Variants in ARHGAP45 observed in about 807,000 individuals in gnomAD.
The protein encoded by ARHGAP45 is rho GTPase-activating protein 45.
ARHGAP45 carries 56 observed loss-of-function variants against 116.1 expected under a neutral mutation model. The ratio of observed to expected loss-of-function variants is 0.48; its 90% confidence interval spans 0.39 to 0.60. The LOEUF is 0.60. Ranked by LOEUF, ARHGAP45 falls within the 20% of genes least tolerant of loss-of-function variation. The pLI is 0.00. For missense variants in ARHGAP45, 1,622 were observed against 1,601.0 expected, an observed-to-expected ratio of 1.01 and a Z score of -0.22; for synonymous variants, 866 against 701.7, an observed-to-expected ratio of 1.23 and a Z score of -3.70.
chr19:1,066,397 C>T, upstream of ARHGAP45: 1 of 560,472 alleles, frequency 1.8e-6, no homozygotes, highest in Non-Finnish European at 3.2e-6. Flanking sequence ...TGCTGCCCAG[C>T]ACGTCCGGTG....
At chr19:1,070,438 C>T (rs1440549322) in intron 2 of ARHGAP45, among the ~76,000 whole-genome samples, 1 of 143,926 alleles carries the variant, frequency 6.9e-6, no homozygotes, top group Non-Finnish European at 1.5e-5. Context: ...TCAAGTGGTT[C>T]TTCTGCCTCA....
chr19:1,071,484 G>C lies in ARHGAP45; in HGVS notation c.422-1665G>C, dbSNP rs1375929074. The C allele has an allele frequency of 1.4e-6, 1 of 718,984 alleles. No homozygotes were observed. Among genetic ancestry groups the C allele is most frequent in the African/African-American group, 1.9e-5 (1 of 51,690 alleles). The allele number at this position is 718,984 out of a possible 1,614,324, so 44.5% of individuals were successfully genotyped here. A position where few individuals can be genotyped will look rare whatever the true frequency, so the allele number is the denominator to read the frequency against. ...GCCTGGCCTGGCCGTGCGCACCTGG[G>C]CATCCCTGCGCTGCGCAGGGGTCGC... On this transcript the variant is annotated intron_variant, in intron 2 of 22. Coordinates refer to ENST00000313093, the MANE Select transcript of ARHGAP45 (RefSeq NM_012292.5). This position sits in a 1 kb window ranked among gnomAD's most constrained non-coding sequence, Gnocchi z 4.6.
intron 2 of ARHGAP45, among the ~76,000 whole-genome samples, chr19:1,072,187 G>A (rs2043153734): frequency 6.6e-6 from 1 of 151,636 alleles, no homozygotes; most frequent in South Asian, 2.1e-4. Flanking sequence ...TCAGCCTCCC[G>A]AGTAGCCGGC....
chr19:1,082,755 G>A (rs1366052683), intron 19 of ARHGAP45, 85 bp from the exon 20 acceptor site: 1 of 1,195,616 alleles, frequency 8.4e-7, no homozygotes, highest in Non-Finnish European at 1.1e-6. Context: ...CTCTGTGGGG[G>A]TGGGGCTGAG....
chr19:1,086,331 A>C lies in ARHGAP45; in HGVS notation c.*325A>C. On this transcript the variant is annotated 3_prime_UTR_variant, in exon 23 of 23. Transcript: ENST00000313093. ...GGAGGAAGCTGTCCCTGCCCAGTGCATCCCCCAGGTCATCACGGGGACGCA... is the reference window on the plus strand; with the variant it reads ...GGAGGAAGCTGTCCCTGCCCAGTGCCTCCCCCAGGTCATCACGGGGACGCA... The C allele has an allele frequency of 3.5e-6, 1 of 289,016 alleles. No homozygotes were observed. The highest frequency in any genetic ancestry group is 4.9e-5 in the South Asian group (1 of 20,580). The allele number at this position is 289,016 out of a possible 1,614,324, so 17.9% of individuals were successfully genotyped here. A position where few individuals can be genotyped will look rare whatever the true frequency, so the allele number is the denominator to read the frequency against.
At chr19:1,082,181 C>T (rs1417760124) in intron 19 of ARHGAP45, among the ~76,000 whole-genome samples, 1 of 138,298 alleles carries the variant, frequency 7.2e-6, no homozygotes, top group Non-Finnish European at 1.6e-5. Context: ...CAGTTCTGCG[C>T]CGAGGCACGG....
chr19:1,068,811 A>T lies in ARHGAP45; in HGVS notation c.421+67A>T. On this transcript the variant is annotated intron_variant, in intron 2 of 22. Coordinates refer to ENST00000313093, the MANE Select transcript of ARHGAP45 (RefSeq NM_012292.5). The surrounding 1 kb of genome is among the most constrained non-coding windows in gnomAD (Gnocchi z 7.5). ...GCCAGACCCAAGGGAGGATGGAGGG[A>T]GGGACTTGGGGAGGCTCAGAAGGGA... 6.7e-7 allele frequency: 1 copy of T among 1,488,060 alleles called. No individual in the cohort carries two copies. Among genetic ancestry groups the T allele is most frequent in the Non-Finnish European group, 9.3e-7 (1 of 1,077,852 alleles). The allele number at this position is 1,488,060 out of a possible 1,614,324, so 92.2% of individuals were successfully genotyped here. A position where few individuals can be genotyped will look rare whatever the true frequency, so the allele number is the denominator to read the frequency against.
chr19:1,068,859 G>A lies in ARHGAP45; in HGVS notation c.421+115G>A, dbSNP rs543092021. ...GGAGGGAGGCTCAGATGGCAGGGAGGGCTGTGTGGAAGAGGCCATGACAGC... is the reference window on the plus strand; with the variant it reads ...GGAGGGAGGCTCAGATGGCAGGGAGAGCTGTGTGGAAGAGGCCATGACAGC... On this transcript the variant is annotated intron_variant, in intron 2 of 22. Transcript: ENST00000313093. The surrounding 1 kb of genome is among the most constrained non-coding windows in gnomAD (Gnocchi z 7.5). 1.9e-4 allele frequency: 195 copies of A among 1,017,292 alleles called. No homozygotes were observed. Among genetic ancestry groups the A allele is most frequent in the Non-Finnish European group, 2.4e-4 (164 of 677,020 alleles). The allele number at this position is 1,017,292 out of a possible 1,614,324, so 63.0% of individuals were successfully genotyped here.
chr19:1,078,996 G>C (rs971268557), intron 11 of ARHGAP45, among the ~76,000 whole-genome samples: 16 of 151,498 alleles, frequency 1.1e-4, no homozygotes, highest in African/African-American at 3.9e-4. Context: ...CTGGCTAACA[G>C]GGTGAAACCC....
rs1246096301 is a variant in ARHGAP45 at position 1,068,822 on chromosome 19, G to A, written c.421+78G>A. On this transcript the variant is annotated intron_variant, in intron 2 of 22. Coordinates refer to ENST00000313093, the MANE Select transcript of ARHGAP45 (RefSeq NM_012292.5). The surrounding 1 kb of genome is among the most constrained non-coding windows in gnomAD (Gnocchi z 7.5). Reference sequence around the variant, plus strand: ...GGGAGGATGGAGGGAGGGACTTGGGGAGGCTCAGAAGGGAGGGAGGCTCAG... The same window carrying A: ...GGGAGGATGGAGGGAGGGACTTGGGAAGGCTCAGAAGGGAGGGAGGCTCAG... The A allele has an allele frequency of 2.1e-6, 3 of 1,415,294 alleles. No individual in the cohort carries two copies. The highest frequency in any genetic ancestry group is 3.0e-6 in the Non-Finnish European group (3 of 1,015,886). 87.7% of individuals were successfully genotyped at this position (1,415,294 alleles called of 1,614,324 possible). A position where few individuals can be genotyped will look rare whatever the true frequency, so the allele number is the denominator to read the frequency against.
intron 10 of ARHGAP45, among the ~76,000 whole-genome samples, chr19:1,076,424 TTTGA>T (rs781614038): frequency 2.6e-5 from 4 of 151,966 alleles, no homozygotes; most frequent in African/African-American, 4.8e-5. Context: ...CTGTTTGACT[TTTGA>T]TTTTTACCTG....
intron 19 of ARHGAP45, chr19:1,082,532 C>T: frequency 2.3e-6 from 1 of 440,128 alleles, no homozygotes. Context: ...GTGGGACCAG[C>T]ACTTCGCAGG....
chr19:1,073,658 C>G lies in ARHGAP45; in HGVS notation c.651-16C>G, dbSNP rs746651790. The G allele has an allele frequency of 6.2e-7, 1 of 1,608,792 alleles. No homozygotes were observed. On this transcript the variant is annotated splice_polypyrimidine_tract_variant and intron_variant, in intron 4 of 22. Transcript: ENST00000313093. Reference sequence around the variant, plus strand: ...GGCCCGGGTGTCTCTCGATGGTGACCTCGCTGGCCCTGCAGAGTGTCCGAG... The same window carrying G: ...GGCCCGGGTGTCTCTCGATGGTGACGTCGCTGGCCCTGCAGAGTGTCCGAG...
rs916404265 is a variant in ARHGAP45, at chr19:1,071,509, C to T, written c.422-1640C>T. On this transcript the variant is annotated intron_variant, in intron 2 of 22. Coordinates refer to ENST00000313093, the MANE Select transcript of ARHGAP45 (RefSeq NM_012292.5). This position sits in a 1 kb window ranked among gnomAD's most constrained non-coding sequence, Gnocchi z 4.6. Reference sequence around the variant, plus strand: ...GCATCCCTGCGCTGCGCAGGGGTCGCGCCGGCCGCCGGCTTCCCGGGTAGG... The same window carrying T: ...GCATCCCTGCGCTGCGCAGGGGTCGTGCCGGCCGCCGGCTTCCCGGGTAGG... 2.1e-6 allele frequency: 1 copy of T among 481,032 alleles called. No individual in the cohort carries two copies. 29.8% of individuals were successfully genotyped at this position (481,032 alleles called of 1,614,324 possible). A position where few individuals can be genotyped will look rare whatever the true frequency, so the allele number is the denominator to read the frequency against.
rs375847620 is a variant in ARHGAP45 at position 1,078,237 on chromosome 19, G to A, written c.1374+192G>A. Among the ~76,000 whole-genome samples the A allele has an allele frequency of 3.5e-3, 527 of 150,236 alleles. 7 individuals carry two copies. Among genetic ancestry groups the A allele is most frequent in the African/African-American group, 0.012 (493 of 40,818 alleles). ...CGGCTCACTGCAAGCTCCGCCTCCC[G>A]GGTTCACGCCATTCTCCTGCCTCAG... On this transcript the variant is annotated intron_variant, in intron 11 of 22. Coordinates refer to ENST00000313093, the MANE Select transcript of ARHGAP45 (RefSeq NM_012292.5).
intron 21 of ARHGAP45, among the ~76,000 whole-genome samples, chr19:1,084,028 C>T (rs1342527756): frequency 6.6e-6 from 1 of 152,120 alleles, no homozygotes; most frequent in African/African-American, 2.4e-5. Flanking sequence ...CAGGTGTGAG[C>T]CACTGCACGC....
chr19:1,068,881 C>G lies in ARHGAP45; in HGVS notation c.421+137C>G. On this transcript the variant is annotated intron_variant, in intron 2 of 22. Coordinates refer to ENST00000313093, the MANE Select transcript of ARHGAP45 (RefSeq NM_012292.5). The surrounding 1 kb of genome is among the most constrained non-coding windows in gnomAD (Gnocchi z 7.5). ...GAGGGCTGTGTGGAAGAGGCCATGACAGCTAAGGCTCTGAGGGATGTGTAG... is the reference window on the plus strand; with the variant it reads ...GAGGGCTGTGTGGAAGAGGCCATGAGAGCTAAGGCTCTGAGGGATGTGTAG... The G allele has an allele frequency of 1.2e-6, 1 of 804,548 alleles. No individual in the cohort carries two copies. Among genetic ancestry groups the G allele is most frequent in the Non-Finnish European group, 2.0e-6 (1 of 499,866 alleles). The allele number at this position is 804,548 out of a possible 1,614,324, so 49.8% of individuals were successfully genotyped here. A position where few individuals can be genotyped will look rare whatever the true frequency, so the allele number is the denominator to read the frequency against.
At chr19:1,067,657 C>G (rs1395011085) in intron 1 of ARHGAP45, 162 bp downstream of exon 1, 4 of 753,868 alleles carry the variant, frequency 5.3e-6, no homozygotes, top group African/African-American at 3.4e-5. Flanking sequence ...AGGCCGGGAC[C>G]CCGGCATTCA....
Position 1,077,879 on chromosome 19 carries a change from G to T in ARHGAP45, c.1208G>T (p.Arg403Leu). 6.4e-7 allele frequency: 1 copy of T among 1,553,888 alleles called. No individual in the cohort carries two copies. The highest frequency in any genetic ancestry group is 8.7e-7 in the Non-Finnish European group (1 of 1,148,470). ...CAGCAAGAGGCGGAGTCCAACCTGCGCAAGGCCAAGCAGGGTTACGTGCAG... is the reference window on the plus strand; with the variant it reads ...CAGCAAGAGGCGGAGTCCAACCTGCTCAAGGCCAAGCAGGGTTACGTGCAG... ...RKLQEAESNL[R>L]KAKQGYVQRC... Residue 403 changes from arginine to leucine, a missense_variant, in exon 11 of 23, where the codon CGC (arginine) becomes CTC (leucine). By Grantham distance (102) the Arg-to-Leu change is moderately radical (BLOSUM62 -2). Transcript: ENST00000313093.
Sources: gnomAD v4.1 joint callset for allele counts (sites outside exome capture counted in the v4.1 genomes callset) on GRCh38, gnomAD v4.1.1 for gene constraint, Gnocchi (gnomAD v3.1) non-coding constraint, MANE v1.5 for transcripts, NCBI Gene and HGNC (gene_info 2026-07-23, HGNC 2026-07-21) for gene names.